The following RNF13 variants were observed in gnomAD, a reference collection of about 807,000 sequenced individuals.
The protein encoded by RNF13 is ring finger protein 13.
A neutral mutation model predicts 37.7 loss-of-function variants in RNF13; 19 were observed. The observed-to-expected ratio is 0.50, with a 90% confidence interval of 0.35 to 0.74. RNF13 has a LOEUF of 0.74. Among genes scored for constraint, RNF13 ranks in the 30% least tolerant of loss-of-function variants. The probability of loss-of-function intolerance (pLI) is 0.01; values close to 1 mark genes in which losing one functional copy is unlikely to be tolerated. For synonymous variants in RNF13, 144 were observed against 157.8 expected, an observed-to-expected ratio of 0.91 and a Z score of 0.65; for missense variants, 375 against 453.0, an observed-to-expected ratio of 0.83 and a Z score of 1.56.
intron 8 of RNF13, among the ~76,000 whole-genome samples, chr3:149,941,970 C>G (rs1720330144): frequency 2.0e-5 from 3 of 151,114 alleles, no homozygotes; most frequent in Non-Finnish European, 4.4e-5. Context: ...GGAGACTGTC[C>G]TTTATTCACT....
rs1219855882 is a variant in RNF13, at chr3:149,921,203, C to G, written c.676C>G (p.Leu226Val). The change falls in exon 8 of 10, where the codon CTT becomes GTT. Residue 226 changes from leucine (L) to valine (V), a missense_variant. Physicochemically the swap from Leu to Val is conservative, Grantham distance 32. Transcript: ENST00000392894. ...ACTTCGTAAAGATCAACTTAAGAAACTTCCTGTACATAAATTCAAGAAAGG... is the reference window on the plus strand; with the variant it reads ...ACTTCGTAAAGATCAACTTAAGAAAGTTCCTGTACATAAATTCAAGAAAGG... Reference protein sequence around the residue: ...NRLRKDQLKKLPVHKFKKGDE... With the variant: ...NRLRKDQLKKVPVHKFKKGDE... 5 of 1,413,716 alleles carry G rather than the reference C, an allele frequency of 3.5e-6. No homozygotes were observed. Among genetic ancestry groups the G allele is most frequent in the Non-Finnish European group, 4.7e-6 (5 of 1,062,368 alleles). 87.6% of individuals were successfully genotyped at this position (1,413,716 alleles called of 1,614,324 possible).
At chr3:149,889,707 T>C (rs1714488565) in intron 4 of RNF13, among the ~76,000 whole-genome samples, 1 of 144,534 alleles carries the variant, frequency 6.9e-6, no homozygotes, top group African/African-American at 2.6e-5. Flanking sequence ...CAGGCTGGAG[T>C]GTAGTGGTGC....
intron 2 of RNF13, among the ~76,000 whole-genome samples, chr3:149,849,608 C>T (rs1371983329): frequency 6.6e-6 from 1 of 152,188 alleles, no homozygotes; most frequent in Non-Finnish European, 1.5e-5. Context: ...GGGTTAAGGG[C>T]TGGAGCTCTG....
chr3:149,880,442 C>T (rs918129603), intron 4 of RNF13, among the ~76,000 whole-genome samples: 2 of 151,984 alleles, frequency 1.3e-5, no homozygotes, highest in African/African-American at 4.8e-5. Context: ...GCAATTCTGA[C>T]AAATATTTAG....
chr3:149,927,636 T>C (rs1395592916), intron 8 of RNF13, among the ~76,000 whole-genome samples: 1 of 152,206 alleles, frequency 6.6e-6, no homozygotes, highest in Non-Finnish European at 1.5e-5. Context: ...TATTCTGTTG[T>C]TTTGTTTTAA....
chr3:149,961,262 TA>T lies in RNF13; in HGVS notation c.*159del. 1.4e-6 allele frequency: 1 copy of T among 695,730 alleles called. No individual in the cohort carries two copies. 43.1% of individuals were successfully genotyped at this position (695,730 alleles called of 1,614,324 possible). A position where few individuals can be genotyped will look rare whatever the true frequency, so the allele number is the denominator to read the frequency against. ...GAAACAGGACTTTTGATCTGGTATT[TA>T]TCTGCCAAGAATATACTTCATTCAC... is the stretch of plus-strand genomic sequence containing the variant. On this transcript the variant is annotated 3_prime_UTR_variant, in exon 10 of 10. Transcript: ENST00000392894.
At chr3:149,844,116 A>G (rs1197763904) in intron 1 of RNF13, among the ~76,000 whole-genome samples, 1 of 152,330 alleles carries the variant, frequency 6.6e-6, no homozygotes, top group East Asian at 1.9e-4. Context: ...AAATTTAATA[A>G]CAACTATACC....
intron 1 of RNF13, among the ~76,000 whole-genome samples, chr3:149,840,810 C>T (rs185394728): frequency 6.6e-6 from 1 of 152,270 alleles, no homozygotes; most frequent in African/African-American, 2.4e-5. Context: ...AGACTGGGAG[C>T]ACAACATATC....
chr3:149,824,441 A>G (rs866152183), intron 1 of RNF13, among the ~76,000 whole-genome samples: 3 of 152,258 alleles, frequency 2.0e-5, no homozygotes, highest in African/African-American at 7.2e-5. Context: ...ATAATGTGCT[A>G]TAAGAAGGAA....
At chr3:149,877,309 T>C (rs1712835901) in intron 4 of RNF13, among the ~76,000 whole-genome samples, 1 of 152,182 alleles carries the variant, frequency 6.6e-6, no homozygotes, top group African/African-American at 2.4e-5. Flanking sequence ...ATTTGCTTCA[T>C]GTTCATTTCA....
intron 1 of RNF13, among the ~76,000 whole-genome samples, chr3:149,826,373 A>G (rs999879284): frequency 6.6e-5 from 10 of 152,246 alleles, no homozygotes; most frequent in African/African-American, 2.4e-4. Flanking sequence ...TTACAGACAG[A>G]AAATGACTGC....
intron 8 of RNF13, among the ~76,000 whole-genome samples, chr3:149,936,532 G>C (rs557117007): frequency 6.6e-6 from 1 of 151,918 alleles, no homozygotes; most frequent in Admixed American, 6.6e-5. Context: ...TTTCAGTTCA[G>C]CCAATGTATT....
At chr3:149,868,610 C>G (rs893648650) in intron 3 of RNF13, among the ~76,000 whole-genome samples, 19 of 151,114 alleles carry the variant, frequency 1.3e-4, no homozygotes, top group African/African-American at 4.6e-4. Flanking sequence ...TTCTCCTTCC[C>G]TCTCCTTTCC....
At chr3:149,817,143 G>T (rs1205473840) in intron 1 of RNF13, 1 of 152,168 alleles carries the variant, frequency 6.6e-6, no homozygotes, top group Non-Finnish European at 1.5e-5. Flanking sequence ...GAAAAGGGAA[G>T]AGAACAAATG....
intron 8 of RNF13, among the ~76,000 whole-genome samples, chr3:149,922,174 A>G (rs1576543003): frequency 6.6e-6 from 1 of 152,194 alleles, no homozygotes; most frequent in Middle Eastern, 3.4e-3. Context: ...GGGTTTCACC[A>G]TCTTGGCCAG....
Position 149,960,879 on chromosome 3 carries a change from A to C in RNF13, c.921A>C (p.Glu307Asp). Residue 307 changes from glutamate to aspartate, a missense_variant, in exon 10 of 10, where the codon GAA becomes GAC. Coordinates refer to ENST00000392894, the MANE Select transcript of RNF13 (RefSeq NM_183381.3). ...DSSQEENEVT[E>D]HTPLLRPLAS... The stretch of plus-strand genomic sequence containing the variant: ...GTCAAGAAGAAAATGAAGTGACAGA[A>C]CATACCCCTTTACTGAGACCTTTAG... The C allele has an allele frequency of 6.2e-7, 1 of 1,614,210 alleles. No individual in the cohort carries two copies. The highest frequency in any genetic ancestry group is 8.5e-7 in the Non-Finnish European group (1 of 1,180,036).
chr3:149,853,215 A>G (rs565435289), intron 3 of RNF13, among the ~76,000 whole-genome samples: 4 of 152,164 alleles, frequency 2.6e-5, no homozygotes, highest in Non-Finnish European at 5.9e-5. Flanking sequence ...TTATCTCCAT[A>G]GGATACATTT....
intron 6 of RNF13, 120 bp downstream of exon 6, chr3:149,902,282 C>T: frequency 2.1e-6 from 1 of 481,934 alleles, no homozygotes; most frequent in Non-Finnish European, 3.7e-6. Flanking sequence ...TAAATTATCC[C>T]TTTTTAAATC....
intron 1 of RNF13, chr3:149,845,735 A>G: frequency 4.4e-6 from 1 of 228,780 alleles, no homozygotes; most frequent in Non-Finnish European, 8.5e-6. Context: ...GACAAGCTGT[A>G]CTATAAACTG....
Sources: gnomAD v4.1 joint callset for allele counts (sites outside exome capture counted in the v4.1 genomes callset) on GRCh38, gnomAD v4.1.1 for gene constraint, MANE v1.5 for transcripts, NCBI Gene and HGNC (gene_info 2026-07-23, HGNC 2026-07-21) for gene names.